Variants in NEK10 observed in about 807,000 individuals in gnomAD.
NEK10 encodes the protein serine/threonine-protein kinase Nek10.
NEK10 carries 122 observed loss-of-function variants against 159.8 expected under a neutral mutation model. The observed-to-expected ratio is 0.76, with a 90% CI of 0.66 to 0.89. NEK10 has a LOEUF of 0.89. Among genes scored for constraint, NEK10 ranks in the 40% least tolerant of loss-of-function variants. The probability of loss-of-function intolerance (pLI) is 0.00; values close to 1 mark genes in which losing one functional copy is unlikely to be tolerated. For missense variants in NEK10, 1,342 were observed against 1,323.1 expected (o/e 1.01, Z -0.22); for synonymous variants, 466 against 457.1 (o/e 1.02, Z -0.25).
intron 23 of NEK10, chr3:27,255,305 C>G (rs1550769): frequency 0.25 from 107,667 of 422,558 alleles, 14,589 homozygotes; most frequent in Middle Eastern, 0.4. Context: ...CATGAAACCA[C>G]TTTCAAGAAT....
intron 9 of NEK10, chr3:27,310,217 T>C (rs2044583122): frequency 6.6e-6 from 1 of 152,212 alleles, no homozygotes; most frequent in Non-Finnish European, 1.5e-5. Context: ...TTCAATCCAT[T>C]ACATATCATT....
intron 30 of NEK10, among the ~76,000 whole-genome samples, chr3:27,151,841 C>A (rs1944907782): frequency 6.6e-6 from 1 of 152,084 alleles, no homozygotes; most frequent in Non-Finnish European, 1.5e-5. Flanking sequence ...ACATTGGACA[C>A]ACTTATAGAA....
chr3:27,127,779 G>T (rs560379480), intron 32 of NEK10, among the ~76,000 whole-genome samples: 15 of 152,114 alleles, frequency 9.9e-5, no homozygotes, highest in Non-Finnish European at 1.9e-4. Context: ...TTTAAGTCAG[G>T]AAGAAATAAT....
At chr3:27,218,869 T>A (rs1951817675) in intron 23 of NEK10, among the ~76,000 whole-genome samples, 2 of 152,188 alleles carry the variant, frequency 1.3e-5, no homozygotes, top group Non-Finnish European at 2.9e-5. Context: ...GAAAGACATC[T>A]GCACAATTCT....
At chr3:27,285,532 AC>A (rs200266539) in intron 20 of NEK10, among the ~76,000 whole-genome samples, 2,756 of 147,002 alleles carry the variant, frequency 0.019, 29 homozygotes, top group South Asian at 0.038. Flanking sequence ...AAAAAAAAAA[AC>A]AAACAAACAA....
intron 23 of NEK10, among the ~76,000 whole-genome samples, chr3:27,217,359 G>A (rs1951642636): frequency 6.6e-6 from 1 of 152,232 alleles, no homozygotes; most frequent in Non-Finnish European, 1.5e-5. Flanking sequence ...AGGCATGACT[G>A]TGGAGGCCTT....
intron 23 of NEK10, among the ~76,000 whole-genome samples, chr3:27,217,689 A>T (rs1951670444): frequency 6.6e-6 from 1 of 152,188 alleles, no homozygotes; most frequent in Non-Finnish European, 1.5e-5. Flanking sequence ...GGCAAGTAAA[A>T]TCACAAGAAA....
At chr3:27,148,970 T>TC (rs1376812621) in intron 30 of NEK10, among the ~76,000 whole-genome samples, 5 of 152,056 alleles carry the variant, frequency 3.3e-5, no homozygotes, top group Non-Finnish European at 7.4e-5. Context: ...AGAAGCATCC[T>TC]CCTGGGACCC....
chr3:27,289,167 C>T (rs1375046451), intron 19 of NEK10, among the ~76,000 whole-genome samples: 1 of 152,210 alleles, frequency 6.6e-6, no homozygotes, highest in Admixed American at 6.5e-5. Flanking sequence ...AAAAAGCCTG[C>T]ATCCCCAAAT....
intron 5 of NEK10, among the ~76,000 whole-genome samples, chr3:27,336,499 G>A (rs574564983): frequency 6.6e-6 from 1 of 152,114 alleles, no homozygotes; most frequent in Non-Finnish European, 1.5e-5. Context: ...ATTGTGTGAG[G>A]CCAGCATTAC....
rs1480931660 is a variant in NEK10, at chr3:27,319,626, AG to A, written c.447+2550del. Among the ~76,000 whole-genome samples, 40 of 152,230 alleles carry A rather than the reference AG, an allele frequency of 2.6e-4. 1 individual carries two copies. The highest frequency in any genetic ancestry group is 1.8e-3 in the Admixed American group (28 of 15,286). On this transcript the variant is annotated intron_variant, in intron 6 of 35. Coordinates refer to ENST00000691995, the MANE Select transcript of NEK10 (RefSeq NM_001394966.1). ...GTATGAAAGTAGGAGGAGGACTTGA[AG>A]GAATAGCTGGGTCAAGAGAAGGACA...
Position 27,174,443 on chromosome 3 carries a change from T to C in NEK10, c.2772A>G (p.Thr924=). ...AATTGATAACAGAAAGCTTACTGAA[T>C]GTAGATTCTTTCAGAGGGCTTGAAC... ...SSSSSPLKES[T]FNILKRSFSA... The change falls in exon 28 of 36, where the codon ACA becomes ACG. Residue 924 remains threonine, a synonymous_variant. Transcript: ENST00000691995. The C allele has an allele frequency of 6.2e-7, 1 of 1,609,512 alleles. No homozygotes were observed.
chr3:27,335,398 C>A, intron 5 of NEK10, among the ~76,000 whole-genome samples: 1 of 149,498 alleles, frequency 6.7e-6, no homozygotes, highest in Middle Eastern at 3.5e-3. Flanking sequence ...GACTCTAATA[C>A]AATAATAGCG....
rs1428357657 is a variant in NEK10, at chr3:27,291,530, T to C, written c.1430A>G (p.Asp477Gly). 3 of 1,611,972 alleles carry C rather than the reference T, an allele frequency of 1.9e-6. No homozygotes were observed. The highest frequency in any genetic ancestry group is 2.5e-6 in the Non-Finnish European group (3 of 1,178,026). ...IFIDIGHYVR[D>G]ISAYEELVSK... ...TACCAATTCTTCATAAGCACTGATA[T>C]CACGTACATAATGCCCTATGTCAAT... Residue 477 changes from aspartate (D) to glycine (G), a missense_variant, in exon 17 of 36, where the codon GAT becomes GGT. Physicochemically the swap from Asp to Gly is moderately conservative, Grantham distance 94. Coordinates refer to ENST00000691995, the MANE Select transcript of NEK10 (RefSeq NM_001394966.1).
At position 27,350,670 on chromosome 3, in the gene NEK10, TC is replaced by T. The variant is rs576399067; in HGVS notation, c.132+1794del. ...CAAAAATATATGCCATGTAAAGTTGTCCCACAACAGATTGCAAATTTGAAAA... is the reference window on the plus strand; with the variant it reads ...CAAAAATATATGCCATGTAAAGTTGTCCACAACAGATTGCAAATTTGAAAA... On this transcript the variant is annotated intron_variant, in intron 3 of 35. Transcript: ENST00000691995. Among the ~76,000 whole-genome samples the T allele has an allele frequency of 1.2e-4, 19 of 152,218 alleles. 1 individual carries two copies. The South Asian group carries it at 3.9e-3, about 32-fold the overall frequency.
chr3:27,295,773 C>A (rs1366836475), intron 14 of NEK10, 83 bp from the exon 15 acceptor site: 7 of 1,414,014 alleles, frequency 5.0e-6, no homozygotes, highest in Non-Finnish European at 5.6e-6. Flanking sequence ...CAATCTCAAA[C>A]ATTAATATCA....
intron 25 of NEK10, among the ~76,000 whole-genome samples, chr3:27,196,360 C>A (rs1345644666): frequency 3.3e-5 from 5 of 152,140 alleles, no homozygotes; most frequent in Non-Finnish European, 7.4e-5. Flanking sequence ...CGTGAGTCTG[C>A]CGGTGCTCCC....
At chr3:27,226,825 G>T (rs7626646) in intron 23 of NEK10, among the ~76,000 whole-genome samples, 30,414 of 151,968 alleles carry the variant, frequency 0.2, 3,080 homozygotes, top group Non-Finnish European at 0.23. Flanking sequence ...ATCCTTATCA[G>T]TTATACCACA....
At position 27,178,012 on chromosome 3, in the gene NEK10, G is replaced by A. The variant is rs144513844; in HGVS notation, c.2506-3179C>T. 2.9e-3 allele frequency among the ~76,000 whole-genome samples: 446 copies of A among 152,164 alleles called. 4 individuals are homozygous for A. Among genetic ancestry groups the A allele is most frequent in the African/African-American group, 9.1e-3 (377 of 41,490 alleles). Reference sequence around the variant, plus strand: ...TTGGCATCTGCATGCATCTATCCTAGGAATGGATAGACACATTCCGGATAT... The same window carrying A: ...TTGGCATCTGCATGCATCTATCCTAAGAATGGATAGACACATTCCGGATAT... On this transcript the variant is annotated intron_variant, in intron 26 of 35. Coordinates refer to ENST00000691995, the MANE Select transcript of NEK10 (RefSeq NM_001394966.1).
Sources: gnomAD v4.1 joint callset for allele counts (sites outside exome capture counted in the v4.1 genomes callset) on GRCh38, gnomAD v4.1.1 for gene constraint, MANE v1.5 for transcripts, NCBI Gene and HGNC (gene_info 2026-07-23, HGNC 2026-07-21) for gene names.